Variants in FBXO28 observed in about 807,000 individuals in gnomAD.
FBXO28 encodes the protein F-box only protein 28.
Under a neutral mutation model 38.1 loss-of-function variants are expected in FBXO28, and 8 were observed. The observed-to-expected ratio is 0.21, with a 90% confidence interval of 0.12 to 0.38. The LOEUF is 0.38. Ranked by LOEUF, FBXO28 falls within the 10% of genes least tolerant of loss-of-function variation. The pLI is 1.00. For synonymous variants in FBXO28, 168 were observed against 173.8 expected (o/e 0.97, Z 0.26); for missense variants, 345 against 460.6 (o/e 0.75, Z 2.30).
At chr1:224,150,432 A>G (rs1045155147) in intron 3 of FBXO28, among the ~76,000 whole-genome samples, 2 of 151,766 alleles carry the variant, frequency 1.3e-5, no homozygotes, top group African/African-American at 4.9e-5. Context: ...TACATAAAAT[A>G]TCAGTCAGTA....
At chr1:224,116,932 T>C (rs1656655608) in intron 1 of FBXO28, among the ~76,000 whole-genome samples, 1 of 152,066 alleles carries the variant, frequency 6.6e-6, no homozygotes, top group Non-Finnish European at 1.5e-5. Flanking sequence ...GCCACCACTT[T>C]GGGACGCCGA....
chr1:224,134,148 C>A lies in FBXO28; in HGVS notation c.452C>A (p.Ser151Ter). The stretch of plus-strand genomic sequence containing the variant: ...CTTGCTGCTGTTGAAACAAGGCTGT[C>A]ACTATTAAATATGACTTTCATGAAA... ...DILAAVETRL[S>*]LLNMTFMKYV... The change falls in exon 3 of 5, where the codon TCA (serine) becomes TAA (stop). Residue 151 changes from serine (S) to a stop codon, truncating the protein, a stop_gained. Coordinates refer to ENST00000366862, the MANE Select transcript of FBXO28 (RefSeq NM_015176.4). LOFTEE classifies it high-confidence loss of function. 1 of 1,611,476 alleles carries A rather than the reference C, an allele frequency of 6.2e-7. No individual in the cohort carries two copies. Among genetic ancestry groups the A allele is most frequent in the Non-Finnish European group, 8.5e-7 (1 of 1,178,914 alleles).
chr1:224,137,996 G>C (rs1572016083), intron 3 of FBXO28, among the ~76,000 whole-genome samples: 2 of 151,912 alleles, frequency 1.3e-5, no homozygotes, highest in East Asian at 3.9e-4. Flanking sequence ...GGGAGGCTGA[G>C]GCGGGCAAAT....
intron 1 of FBXO28, among the ~76,000 whole-genome samples, chr1:224,115,922 A>G (rs1656633761): frequency 6.6e-6 from 1 of 152,192 alleles, no homozygotes; most frequent in African/African-American, 2.4e-5. Flanking sequence ...AAAAAAATGT[A>G]GTGGGGAGGG....
intron 3 of FBXO28, among the ~76,000 whole-genome samples, chr1:224,145,387 C>A (rs948010353): frequency 6.7e-6 from 1 of 150,012 alleles, no homozygotes; most frequent in Non-Finnish European, 1.5e-5. Context: ...GAACTTAACA[C>A]TTGTTTATAT....
At chr1:224,129,554 G>A (rs1656987675) in intron 1 of FBXO28, among the ~76,000 whole-genome samples, 1 of 152,132 alleles carries the variant, frequency 6.6e-6, no homozygotes, top group South Asian at 2.1e-4. Context: ...ACCTTTAAAT[G>A]TATTGTTTTA....
Position 224,158,303 on chromosome 1 carries a change from C to CT in FBXO28, c.*558dup. 3 of 769,968 alleles carry CT rather than the reference C, an allele frequency of 3.9e-6. No individual in the cohort carries two copies. The highest frequency in any genetic ancestry group is 4.7e-6 in the Non-Finnish European group (3 of 633,480). 47.7% of individuals were successfully genotyped at this position (769,968 alleles called of 1,614,324 possible). A position where few individuals can be genotyped will look rare whatever the true frequency, so the allele number is the denominator to read the frequency against. ...CCATAGTATTGACTGTAGAAGGAGCCTCTACAATATTGACTATATATTTTT... is the reference window on the plus strand; with the variant it reads ...CCATAGTATTGACTGTAGAAGGAGCCTTCTACAATATTGACTATATATTTTT... On this transcript the variant is annotated 3_prime_UTR_variant, in exon 5 of 5. Coordinates refer to ENST00000366862, the MANE Select transcript of FBXO28 (RefSeq NM_015176.4).
chr1:224,143,070 G>A (rs1282060806), intron 3 of FBXO28, among the ~76,000 whole-genome samples: 1 of 151,814 alleles, frequency 6.6e-6, no homozygotes, highest in Non-Finnish European at 1.5e-5. Context: ...AACCAAGCAA[G>A]CGTGCGGTGG....
intron 4 of FBXO28, among the ~76,000 whole-genome samples, 176 bp from the exon 5 acceptor site, chr1:224,157,176 A>G (rs1014807115): frequency 1.8e-4 from 27 of 152,128 alleles, no homozygotes; most frequent in African/African-American, 6.5e-4. Flanking sequence ...AAACTCATTT[A>G]TAGTTAAAAT....
chr1:224,134,463 A>G (rs541803416), intron 3 of FBXO28: 14 of 285,300 alleles, frequency 4.9e-5, no homozygotes, highest in Middle Eastern at 1.1e-3. Context: ...CATACTCAAG[A>G]ATAAAATTTG....
chr1:224,125,770 T>C (rs889981808), intron 1 of FBXO28, among the ~76,000 whole-genome samples: 5 of 151,964 alleles, frequency 3.3e-5, no homozygotes, highest in Admixed American at 1.3e-4. Context: ...GGTTCCCAAG[T>C]AGCTGGAATT....
intron 3 of FBXO28, among the ~76,000 whole-genome samples, chr1:224,147,410 G>A (rs1299058431): frequency 2.7e-5 from 3 of 112,614 alleles, no homozygotes; most frequent in African/African-American, 6.7e-5. Context: ...GCAACAGAGC[G>A]AGACTGTGTC....
intron 1 of FBXO28, among the ~76,000 whole-genome samples, chr1:224,115,526 G>A (rs1294777115): frequency 6.6e-6 from 1 of 152,158 alleles, no homozygotes; most frequent in Non-Finnish European, 1.5e-5. Context: ...TTTTAAAAGA[G>A]AACTTATAAA....
In FBXO28 at chr1:224,130,455, C is replaced by T. The variant is rs77427022; in HGVS notation, c.268-17C>T. ...ATTAATTTGGTTATTGATTTTTGTT[C>T]TTTTTTCTCCTTGAAGGTTTGTAAA... On this transcript the variant is annotated splice_polypyrimidine_tract_variant and intron_variant, in intron 1 of 4. Coordinates refer to ENST00000366862, the MANE Select transcript of FBXO28 (RefSeq NM_015176.4). 3 of 1,208,452 alleles carry T rather than the reference C, an allele frequency of 2.5e-6. No individual in the cohort carries two copies. Among genetic ancestry groups the T allele is most frequent in the East Asian group, 2.5e-5 (1 of 39,990 alleles). The allele number at this position is 1,208,452 out of a possible 1,614,324, so 74.9% of individuals were successfully genotyped here.
chr1:224,142,980 G>A (rs1657397755), intron 3 of FBXO28, among the ~76,000 whole-genome samples: 1 of 151,866 alleles, frequency 6.6e-6, no homozygotes, highest in African/African-American at 2.4e-5. Flanking sequence ...TCCAGCCTGG[G>A]GGACAGAAAG....
chr1:224,117,165 A>AT (rs71168310), intron 1 of FBXO28, among the ~76,000 whole-genome samples: 79,820 of 121,598 alleles, frequency 0.66, 28,118 homozygotes, highest in East Asian at 0.81. Flanking sequence ...AATAAATTGG[A>AT]TTTTTTTTTT....
At chr1:224,128,230 T>TC (rs1553288944) in intron 1 of FBXO28, among the ~76,000 whole-genome samples, 1 of 147,694 alleles carries the variant, frequency 6.8e-6, no homozygotes, top group Non-Finnish European at 1.5e-5. Context: ...CATGTCTTTT[T>TC]TTATTATTAT....
intron 4 of FBXO28, among the ~76,000 whole-genome samples, chr1:224,154,517 C>A (rs1436181591): frequency 7.5e-5 from 11 of 147,280 alleles, no homozygotes; most frequent in Non-Finnish European, 1.0e-4. Context: ...CTAAAAAATA[C>A]CAAAAAATTG....
At chr1:224,143,683 T>C (rs1657425147) in intron 3 of FBXO28, among the ~76,000 whole-genome samples, 1 of 151,070 alleles carries the variant, frequency 6.6e-6, no homozygotes, top group African/African-American at 2.4e-5. Flanking sequence ...AATAAATAAA[T>C]AAATTAGCCA....
Sources: gnomAD v4.1 joint callset for allele counts (sites outside exome capture counted in the v4.1 genomes callset) on GRCh38, gnomAD v4.1.1 for gene constraint, MANE v1.5 for transcripts, NCBI Gene and HGNC (gene_info 2026-07-23, HGNC 2026-07-21) for gene names.